SORCS3: variants seen among roughly 807,000 people sequenced by gnomAD.
The protein encoded by SORCS3 is sortilin related VPS10 domain containing receptor 3, also known as VPS10 domain-containing receptor SorCS3.
In SORCS3, 57 loss-of-function variants were observed where a neutral mutation model predicts 146.3. The ratio of observed to expected loss-of-function variants is 0.39; its 90% CI spans 0.31 to 0.49. The LOEUF (loss-of-function observed/expected upper bound fraction) is 0.49, where lower values mean the gene tolerates loss of function less well. Ranked by LOEUF, SORCS3 falls within the 20% of genes least tolerant of loss-of-function variation. The pLI, the probability that SORCS3 is intolerant of heterozygous loss-of-function variation, is 0.92. For synonymous variants in SORCS3, 653 were observed against 618.5 expected (o/e 1.06, Z -0.83); for missense variants, 1,341 against 1,575.5 (o/e 0.85, Z 2.52).
At chr10:104,762,061 CT>C (rs1412788965) in intron 1 of SORCS3, among the ~76,000 whole-genome samples, 1 of 152,210 alleles carries the variant, frequency 6.6e-6, no homozygotes, top group Non-Finnish European at 1.5e-5. Context: ...GTGCAGTCCC[CT>C]CACTGTTCCC....
At chr10:104,867,987 C>G (rs1264077738) in intron 2 of SORCS3, among the ~76,000 whole-genome samples, 1 of 152,192 alleles carries the variant, frequency 6.6e-6, no homozygotes, top group African/African-American at 2.4e-5. Context: ...TTTTACAACC[C>G]TGAGCTTCTC....
chr10:104,879,990 G>A (rs1380315123), intron 2 of SORCS3, among the ~76,000 whole-genome samples: 1 of 152,048 alleles, frequency 6.6e-6, no homozygotes, highest in Non-Finnish European at 1.5e-5. Flanking sequence ...GAGCTGCTGG[G>A]GATTCCACAG....
intron 6 of SORCS3, among the ~76,000 whole-genome samples, chr10:105,102,331 T>C (rs899229383): frequency 2.6e-4 from 39 of 152,300 alleles, no homozygotes; most frequent in African/African-American, 8.4e-4. Flanking sequence ...ATATACACCA[T>C]GGAATATCAT....
chr10:104,865,242 A>AGAAGGAAT (rs1359172429), intron 2 of SORCS3, among the ~76,000 whole-genome samples: 5 of 152,156 alleles, frequency 3.3e-5, no homozygotes, highest in Admixed American at 3.3e-4. Context: ...AAAGAAGGAA[A>AGAAGGAAT]GAAGGAAGGA....
At chr10:104,743,185 G>C (rs1180676926) in intron 1 of SORCS3, among the ~76,000 whole-genome samples, 1 of 152,152 alleles carries the variant, frequency 6.6e-6, no homozygotes, top group Non-Finnish European at 1.5e-5. Context: ...GCTGTAGAGG[G>C]ATATGCTGAG....
intron 4 of SORCS3, among the ~76,000 whole-genome samples, chr10:105,007,025 GGTAA>G (rs1272905462): frequency 6.6e-6 from 1 of 152,092 alleles, no homozygotes; most frequent in Non-Finnish European, 1.5e-5. Context: ...TGACCAACAG[GGTAA>G]GTGAGTGTGA....
intron 20 of SORCS3, among the ~76,000 whole-genome samples, chr10:105,238,183 G>A (rs997809129): frequency 6.6e-6 from 1 of 152,194 alleles, no homozygotes; most frequent in Non-Finnish European, 1.5e-5. Context: ...AGTGGGCAAT[G>A]TGAAATTTCA....
chr10:104,848,363 T>C (rs1056613723), intron 2 of SORCS3, among the ~76,000 whole-genome samples: 2 of 152,234 alleles, frequency 1.3e-5, no homozygotes, highest in African/African-American at 4.8e-5. Flanking sequence ...TTTGAATTTA[T>C]GAATTTTTTG....
At chr10:104,927,334 G>A (rs542388354) in intron 3 of SORCS3, among the ~76,000 whole-genome samples, 1 of 152,282 alleles carries the variant, frequency 6.6e-6, no homozygotes, top group East Asian at 1.9e-4. Flanking sequence ...GCTCAATAAA[G>A]CCTCTGAGAA....
chr10:105,022,164 A>AAAAAGTG, intron 4 of SORCS3, among the ~76,000 whole-genome samples: 1 of 152,330 alleles, frequency 6.6e-6, no homozygotes, highest in East Asian at 1.9e-4. Flanking sequence ...TGCACAAGGC[A>AAAAAGTG]AAAAGTGAAC....
rs978031875 is a variant in SORCS3, at chr10:104,991,830, A to G, written c.954+14337A>G. On this transcript the variant is annotated intron_variant, in intron 4 of 26. Coordinates refer to ENST00000369701, the MANE Select transcript of SORCS3 (RefSeq NM_014978.3). ...CTCTTCTTACGTGAACATTGCTTAT[A>G]TTGGATTAGGGCCTGCTCTAATAAC... Among the ~76,000 whole-genome samples the G allele has an allele frequency of 4.6e-5, 7 of 152,086 alleles. No homozygotes were observed. The East Asian group carries it at 5.8e-4, about 13-fold the overall frequency.
At chr10:104,940,212 ATATATATATATATATATATATATATAT>A (rs2019298282) in intron 3 of SORCS3, among the ~76,000 whole-genome samples, 1 of 21,168 alleles carries the variant, frequency 4.7e-5, no homozygotes, top group Non-Finnish European at 1.1e-4. Flanking sequence ...TTTTATATAT[ATATATATATATATATATATATATATAT>A]TTTTTTTTTT....
At chr10:105,110,799 A>G (rs565135722) in intron 7 of SORCS3, among the ~76,000 whole-genome samples, 1 of 152,186 alleles carries the variant, frequency 6.6e-6, no homozygotes, top group Non-Finnish European at 1.5e-5. Context: ...AAGCATCATT[A>G]TGATTTGGCT....
intron 1 of SORCS3, among the ~76,000 whole-genome samples, chr10:104,693,420 C>G (rs753016072): frequency 1.3e-5 from 2 of 152,146 alleles, no homozygotes; most frequent in Admixed American, 6.5e-5. Context: ...TCTTTAAAGA[C>G]AGAAAAGCAA....
intron 4 of SORCS3, among the ~76,000 whole-genome samples, chr10:105,025,973 C>T (rs779366550): frequency 2.6e-5 from 4 of 151,936 alleles, no homozygotes; most frequent in Non-Finnish European, 4.4e-5. Context: ...CCCCTTTCTG[C>T]GGGCTCAAAA....
At chr10:105,099,738 C>A (rs1425615201) in intron 6 of SORCS3, among the ~76,000 whole-genome samples, 1 of 152,190 alleles carries the variant, frequency 6.6e-6, no homozygotes, top group Non-Finnish European at 1.5e-5. Context: ...TCCTGTGCAA[C>A]TTTGAGCAGA....
intron 2 of SORCS3, among the ~76,000 whole-genome samples, chr10:104,900,713 A>G (rs977336534): frequency 2.6e-5 from 4 of 151,740 alleles, no homozygotes; most frequent in African/African-American, 9.7e-5. Flanking sequence ...ACATGGTGAA[A>G]CCCCGTCTCT....
chr10:105,097,937 C>T (rs534170297), intron 6 of SORCS3, among the ~76,000 whole-genome samples: 4 of 152,264 alleles, frequency 2.6e-5, no homozygotes, highest in South Asian at 4.2e-4. Context: ...CATATGCCAC[C>T]GTCCTTTGTT....
intron 7 of SORCS3, among the ~76,000 whole-genome samples, chr10:105,117,073 ACTCTT>A (rs2055898922): frequency 6.6e-6 from 1 of 151,936 alleles, no homozygotes; most frequent in African/African-American, 2.4e-5. Flanking sequence ...ATGGATCAGT[ACTCTT>A]CTCTTATGTC....
Sources: gnomAD v4.1 joint callset for allele counts (sites outside exome capture counted in the v4.1 genomes callset) on GRCh38, gnomAD v4.1.1 for gene constraint, MANE v1.5 for transcripts, NCBI Gene and HGNC (gene_info 2026-07-23, HGNC 2026-07-21) for gene names.